The following CHAT variants were observed in gnomAD, a reference collection of about 807,000 sequenced individuals.
CHAT encodes the protein acetyl CoA:choline O-acetyltransferase.
In CHAT, 61 loss-of-function variants were observed where a neutral mutation model predicts 76.9. That is an observed-to-expected ratio of 0.79 (90% CI 0.65 to 0.98). The LOEUF (loss-of-function observed/expected upper bound fraction) is 0.98. Ranked by LOEUF, CHAT falls within the 50% of genes least tolerant of loss-of-function variation. The pLI, the probability that CHAT is intolerant of heterozygous loss-of-function variation, is 0.00. For synonymous variants in CHAT, 407 were observed against 397.4 expected (o/e 1.02, Z -0.29); for missense variants, 946 against 986.9 (o/e 0.96, Z 0.56).
At chr10:49,645,969 G>T (rs1266942110) in intron 7 of CHAT, among the ~76,000 whole-genome samples, 1 of 152,184 alleles carries the variant, frequency 6.6e-6, no homozygotes, top group African/African-American at 2.4e-5. Flanking sequence ...GGGGCAGGGA[G>T]GTGACCAATA....
At chr10:49,652,040 G>C in intron 11 of CHAT, 34 bp downstream of exon 11, 1 of 1,614,020 alleles carries the variant, frequency 6.2e-7, no homozygotes, top group Non-Finnish European at 8.5e-7. Context: ...GTACCCTGGA[G>C]GGCTGACGGA....
At position 49,624,667 on chromosome 10, in the gene CHAT, C is replaced by T. The variant is rs141897446; in HGVS notation, c.753-806C>T. On this transcript the variant is annotated intron_variant, in intron 5 of 14. Transcript: ENST00000337653. Reference sequence around the variant, plus strand: ...ATCCCAGAATGGTGCCTGGCCTATACGGAGGACGTGCTTCACAAATATTTG... The same window carrying T: ...ATCCCAGAATGGTGCCTGGCCTATATGGAGGACGTGCTTCACAAATATTTG... Among the ~76,000 whole-genome samples the T allele has an allele frequency of 4.4e-4, 67 of 152,196 alleles. 1 individual carries two copies. Among genetic ancestry groups the T allele is most frequent in the African/African-American group, 1.6e-3 (65 of 41,504 alleles).
At chr10:49,637,946 A>T (rs1345208099) in intron 7 of CHAT, among the ~76,000 whole-genome samples, 2 of 152,208 alleles carry the variant, frequency 1.3e-5, no homozygotes, top group African/African-American at 4.8e-5. Context: ...TTCGATGGGT[A>T]TTTGAAGAGA....
intron 13 of CHAT, among the ~76,000 whole-genome samples, chr10:49,660,074 T>A (rs1840145600): frequency 6.6e-6 from 1 of 152,200 alleles, no homozygotes; most frequent in African/African-American, 2.4e-5. Flanking sequence ...TTGATCAAAC[T>A]ACAAAGAGTT....
chr10:49,664,756 CT>C lies in CHAT; in HGVS notation c.1978-20del. 1 of 1,614,226 alleles carries C rather than the reference CT, an allele frequency of 6.2e-7. No individual in the cohort carries two copies. The highest frequency in any genetic ancestry group is 8.5e-7 in the Non-Finnish European group (1 of 1,180,034). On this transcript the variant is annotated intron_variant, in intron 14 of 14. Coordinates refer to ENST00000337653, the MANE Select transcript of CHAT (RefSeq NM_020549.5). The stretch of plus-strand genomic sequence containing the variant: ...GGCTGCATTCCAGAACAAGCAGCTC[CT>C]GACCTGTCCTCTCCTCCAGGTGCCC...
chr10:49,612,236 T>C (rs1184346842), upstream of CHAT: 2 of 1,609,652 alleles, frequency 1.2e-6, no homozygotes, highest in Admixed American at 1.7e-5. Flanking sequence ...GCGGTGCGCC[T>C]GCGTGAGCGT....
At chr10:49,647,103 C>G (rs1839697390) in intron 8 of CHAT, 2 of 216,972 alleles carry the variant, frequency 9.2e-6, no homozygotes, top group Non-Finnish European at 1.9e-5. Flanking sequence ...CCAGAGCTGT[C>G]AGCTTTTTGG....
At chr10:49,664,692 G>A in intron 14 of CHAT, 85 bp from the exon 15 acceptor site, 1 of 1,536,242 alleles carries the variant, frequency 6.5e-7, no homozygotes, top group Non-Finnish European at 9.0e-7. Flanking sequence ...CAAACCCCCA[G>A]GTGGAAAACA....
chr10:49,654,985 A>T, intron 11 of CHAT, 110 bp from the exon 12 acceptor site: 1 of 1,133,976 alleles, frequency 8.8e-7, no homozygotes, highest in Non-Finnish European at 1.3e-6. Context: ...TATTCTGCCA[A>T]GTCAAGTCAG....
intron 6 of CHAT, among the ~76,000 whole-genome samples, chr10:49,627,346 A>G (rs538125510): frequency 6.6e-6 from 1 of 152,198 alleles, no homozygotes; most frequent in Non-Finnish European, 1.5e-5. Flanking sequence ...TCCATTCCCC[A>G]CAAACATAAT....
At chr10:49,622,012 A>AGCAG in intron 4 of CHAT, 85 bp from the exon 5 acceptor site, 1 of 1,449,424 alleles carries the variant, frequency 6.9e-7, no homozygotes. Flanking sequence ...GGAAGAGGGA[A>AGCAG]GGAGGGAGGG....
At chr10:49,630,914 G>A (rs2132746274) in intron 7 of CHAT, among the ~76,000 whole-genome samples, 1 of 152,270 alleles carries the variant, frequency 6.6e-6, no homozygotes, top group South Asian at 2.1e-4. Context: ...AGATGAAATC[G>A]ACTGTGTGAA....
chr10:49,614,546 T>A, intron 1 of CHAT, 71 bp downstream of exon 1: 2 of 917,242 alleles, frequency 2.2e-6, no homozygotes, highest in Non-Finnish European at 3.1e-6. Flanking sequence ...GGGGGCTCTA[T>A]CCAGGGACAG....
upstream of CHAT, chr10:49,611,498 T>C (rs776326514): frequency 1.9e-5 from 30 of 1,600,458 alleles, no homozygotes; most frequent in Non-Finnish European, 2.5e-5. Context: ...GCCGTGTCGC[T>C]CTTTGACGCG....
At chr10:49,636,461 T>C (rs1839297442) in intron 7 of CHAT, among the ~76,000 whole-genome samples, 1 of 152,164 alleles carries the variant, frequency 6.6e-6, no homozygotes, top group Admixed American at 6.5e-5. Context: ...GGGCCACTGG[T>C]CTATAGTTGG....
chr10:49,618,626 T>C (rs1838584524), intron 2 of CHAT, among the ~76,000 whole-genome samples: 2 of 152,194 alleles, frequency 1.3e-5, no homozygotes, highest in South Asian at 2.1e-4. Context: ...CTCCACTCTC[T>C]GGGACTCAGT....
At chr10:49,630,212 G>A (rs12241715) in intron 7 of CHAT, among the ~76,000 whole-genome samples, 2,308 of 152,282 alleles carry the variant, frequency 0.015, 49 homozygotes, top group African/African-American at 0.052. Context: ...TTAAAGTCAT[G>A]GACCTGGGTG....
rs1188216330 is a variant in CHAT at position 49,662,746 on chromosome 10, C to T, written c.1941C>T (p.Tyr647=). The T allele has an allele frequency of 4.3e-6, 7 of 1,614,234 alleles. No homozygotes were observed. The highest frequency in any genetic ancestry group is 1.1e-5 in the South Asian group (1 of 91,084). ...CCGAGATGTTCATGGATGAAACCTA[C>T]CTGATGAGCAACCGGTTTGTCCTCT... ...ELPEMFMDET[Y]LMSNRFVLST... is the part of the protein sequence containing the mutation. Residue 647 remains tyrosine, a synonymous_variant, in exon 14 of 15, where the codon TAC becomes TAT. Transcript: ENST00000337653.
Position 49,665,105 on chromosome 10 carries a change from A to T in CHAT, c.*59A>T, listed in dbSNP as rs1590631302. 9.4e-6 allele frequency: 15 copies of T among 1,590,040 alleles called. No homozygotes were observed. The highest frequency in any genetic ancestry group is 1.3e-5 in the Non-Finnish European group (15 of 1,161,300). On this transcript the variant is annotated 3_prime_UTR_variant, in exon 15 of 15. Coordinates refer to ENST00000337653, the MANE Select transcript of CHAT (RefSeq NM_020549.5). ...CCTCTAGAACAGCCAGACCCTGCAG[A>T]TCCCCACTCCCGTCCCTTACCCCAG...
Sources: gnomAD v4.1 joint callset for allele counts (sites outside exome capture counted in the v4.1 genomes callset) on GRCh38, gnomAD v4.1.1 for gene constraint, MANE v1.5 for transcripts, NCBI Gene and HGNC (gene_info 2026-07-23, HGNC 2026-07-21) for gene names.